Variants in DMD observed in about 807,000 individuals in gnomAD.
The protein encoded by DMD is dystrophin.
In DMD, 63 loss-of-function variants were observed where a neutral mutation model predicts 330.1. The ratio of observed to expected loss-of-function variants is 0.19; its 90% CI spans 0.16 to 0.24. The LOEUF (loss-of-function observed/expected upper bound fraction) is 0.24. Among genes scored for constraint, DMD ranks in the 10% least tolerant of loss-of-function variants. The probability of loss-of-function intolerance (pLI) is 1.00; values close to 1 mark genes in which losing one functional copy is unlikely to be tolerated. For synonymous variants in DMD, 1,223 were observed against 959.8 expected, an observed-to-expected ratio of 1.27 and a Z score of -5.07; for missense variants, 3,344 against 2,684.1, an observed-to-expected ratio of 1.25 and a Z score of -5.43.
At chrX:32,479,681 T>C (rs1258782333) in intron 21 of DMD, among the ~76,000 whole-genome samples, 1 of 109,671 alleles carries the variant, frequency 9.1e-6, no homozygotes, top group African/African-American at 3.3e-5. Flanking sequence ...TGGAATATAT[T>C]TATCACTATA....
rs1462243328 is a variant in DMD, at chrX:32,252,737, T to A, written c.6290+34792A>T. Among the ~76,000 whole-genome samples the A allele has an allele frequency of 1.6e-3, 58 of 35,856 alleles. 5 individuals carry two copies. In the East Asian group the frequency reaches 0.034, roughly 21 times the overall value. 31.1% of individuals were successfully genotyped at this position (35,856 alleles called of 115,157 possible). A position where few individuals can be genotyped will look rare whatever the true frequency, so the allele number is the denominator to read the frequency against. ...ATAAATATATATAAATATATAAATA[T>A]ATATATAAATATATATAAATATATA... On this transcript the variant is annotated intron_variant, in intron 43 of 78. Transcript: ENST00000357033.
chrX:33,261,416 C>T (rs1053496633), intron 1 of DMD, among the ~76,000 whole-genome samples: 2 of 110,750 alleles, frequency 1.8e-5, no homozygotes, highest in Non-Finnish European at 3.8e-5. Flanking sequence ...TATTTTCCCC[C>T]CATGGGTAGT....
At chrX:32,225,391 G>T (rs1432594130) in intron 43 of DMD, among the ~76,000 whole-genome samples, 1 of 111,758 alleles carries the variant, frequency 8.9e-6, no homozygotes, top group Non-Finnish European at 1.9e-5. Context: ...GGCTGATTAT[G>T]ACATAGCTCC....
At position 33,025,372 on chromosome X, in the gene DMD, A is replaced by G. The variant is rs748746302; in HGVS notation, c.32-5172T>C. On this transcript the variant is annotated intron_variant, in intron 1 of 78. Coordinates refer to ENST00000357033, the MANE Select transcript of DMD (RefSeq NM_004006.3). Reference sequence around the variant, plus strand: ...GAGAAAGGGAGTGGCATGGAATGAAATTGCAATGAGAGTTAGGAGCGAGAT... The same window carrying G: ...GAGAAAGGGAGTGGCATGGAATGAAGTTGCAATGAGAGTTAGGAGCGAGAT... Among the ~76,000 whole-genome samples, 3 of 111,625 alleles carry G rather than the reference A, an allele frequency of 2.7e-5. No homozygotes were observed. The Admixed American group carries it at 2.9e-4, about 11-fold the overall frequency.
chrX:32,613,464 G>A (rs753247516), intron 12 of DMD, among the ~76,000 whole-genome samples: 18 of 110,652 alleles, frequency 1.6e-4, no homozygotes, highest in South Asian at 3.8e-4. Flanking sequence ...TTCTGGCAGC[G>A]AGGGAGCATA....
At chrX:32,440,241 C>T (rs749808088) in intron 28 of DMD, among the ~76,000 whole-genome samples, 8 of 111,726 alleles carry the variant, frequency 7.2e-5, no homozygotes, top group Admixed American at 9.5e-5. Context: ...TCTCTGAATA[C>T]GACAAATTTA....
intron 2 of DMD, among the ~76,000 whole-genome samples, chrX:32,941,645 A>G (rs1238324968): frequency 9.0e-6 from 1 of 110,699 alleles, no homozygotes; most frequent in Non-Finnish European, 1.9e-5. Flanking sequence ...GACACTAGGG[A>G]TTACTAGAAG....
rs1569292636 is a variant in DMD, at chrX:31,721,690, C to CTATATATATATA, written c.7660+7940_7660+7941insTATATATATATA. 4.7e-4 allele frequency among the ~76,000 whole-genome samples: 28 copies of CTATATATATATA among 60,117 alleles called. 1 individual carries two copies. Among genetic ancestry groups the CTATATATATATA allele is most frequent in the South Asian group, 9.0e-4 (1 of 1,112 alleles). The allele number at this position is 60,117 out of a possible 115,157, so 52.2% of individuals were successfully genotyped here. Reference sequence around the variant, plus strand: ...CCAATCTCTCTCTCTCTCTCACTCTCTCTCTCTCTCTCTCTCTCTCTCTCT... The same window carrying CTATATATATATA: ...CCAATCTCTCTCTCTCTCTCACTCTCTATATATATATATCTCTCTCTCTCTCTCTCTCTCTCT... On this transcript the variant is annotated intron_variant, in intron 52 of 78. Coordinates refer to ENST00000357033, the MANE Select transcript of DMD (RefSeq NM_004006.3).
At chrX:32,314,589 T>C (rs183496831) in intron 41 of DMD, among the ~76,000 whole-genome samples, 10 of 110,918 alleles carry the variant, frequency 9.0e-5, no homozygotes, top group African/African-American at 2.9e-4. Flanking sequence ...GACCCTATCA[T>C]GAGAGTCAAC....
At chrX:32,926,747 A>G (rs1289236798) in intron 2 of DMD, among the ~76,000 whole-genome samples, 2 of 101,459 alleles carry the variant, frequency 2.0e-5, no homozygotes, top group East Asian at 6.1e-4. Flanking sequence ...GCAAGACTCC[A>G]TCTCCAAAAA....
In DMD at chrX:32,786,578, G is replaced by T. The variant is rs1296285496; in HGVS notation, c.649+22915C>A. Among the ~76,000 whole-genome samples the T allele has an allele frequency of 9.0e-5, 10 of 111,579 alleles. No homozygotes were observed. In the Admixed American group the frequency reaches 9.5e-4, roughly 11 times the overall value. On this transcript the variant is annotated intron_variant, in intron 7 of 78. Transcript: ENST00000357033. ...AGAATTCAGTATCCCTCTTATTCTG[G>T]CTCTAGTTTATAAAACTTTTCCATT...
chrX:32,787,727 T>G (rs2075511843), intron 7 of DMD, among the ~76,000 whole-genome samples: 1 of 100,717 alleles, frequency 9.9e-6, no homozygotes, highest in South Asian at 6.2e-4. Context: ...AATTGTACTG[T>G]ACTCATCAAT....
intron 1 of DMD, among the ~76,000 whole-genome samples, chrX:33,255,107 T>C (rs2052835220): frequency 9.0e-6 from 1 of 110,972 alleles, no homozygotes; most frequent in Admixed American, 9.6e-5. Flanking sequence ...AGTAAATTCT[T>C]GGTGTAACAC....
chrX:32,527,346 CT>C (rs1375576004), intron 17 of DMD, among the ~76,000 whole-genome samples: 1 of 111,689 alleles, frequency 9.0e-6, no homozygotes, highest in Non-Finnish European at 1.9e-5. Context: ...TAAAAATCAC[CT>C]TTCTTCTTCA....
At chrX:32,689,449 G>C (rs1252742839) in intron 9 of DMD, among the ~76,000 whole-genome samples, 1 of 111,307 alleles carries the variant, frequency 9.0e-6, no homozygotes, top group Non-Finnish European at 1.9e-5. Flanking sequence ...AAAAGCAAAA[G>C]ACGAGGTGAC....
At chrX:31,744,033 T>C (rs1475123486) in intron 51 of DMD, among the ~76,000 whole-genome samples, 1 of 110,374 alleles carries the variant, frequency 9.1e-6, no homozygotes, top group Non-Finnish European at 1.9e-5. Context: ...CCAGTTAATT[T>C]TTCTACATAT....
intron 2 of DMD, among the ~76,000 whole-genome samples, chrX:32,854,147 A>T (rs1408180960): frequency 9.0e-6 from 1 of 111,536 alleles, no homozygotes; most frequent in African/African-American, 3.3e-5. Context: ...ATCAGGCAAA[A>T]AGTCAACTAG....
chrX:32,654,403 A>G (rs950862307), intron 9 of DMD, among the ~76,000 whole-genome samples: 1 of 111,873 alleles, frequency 8.9e-6, no homozygotes, highest in Non-Finnish European at 1.9e-5. Flanking sequence ...ATCTATGGAG[A>G]TAATCATGTG....
intron 44 of DMD, among the ~76,000 whole-genome samples, chrX:32,076,518 T>C (rs1387916546): frequency 9.2e-6 from 1 of 108,755 alleles, no homozygotes; most frequent in Non-Finnish European, 1.9e-5. Flanking sequence ...TAGCTGGGAC[T>C]ACAGGCGCCT....
Sources: allele counts gnomAD v4.1 joint callset (sites outside exome capture counted in the v4.1 genomes callset), GRCh38; gene constraint gnomAD v4.1.1; transcripts MANE v1.5; gene names NCBI Gene and HGNC (gene_info 2026-07-23, HGNC 2026-07-21).